EEPD1: variants seen among roughly 807,000 people sequenced by gnomAD.
The protein encoded by EEPD1 is endonuclease/exonuclease/phosphatase family domain containing 1, also known as endonuclease/exonuclease/phosphatase family domain-containing protein 1.
A neutral mutation model predicts 46.3 loss-of-function variants in EEPD1; 17 were observed. The observed-to-expected ratio is 0.37, with a 90% CI of 0.25 to 0.55. The LOEUF (loss-of-function observed/expected upper bound fraction) is 0.55, where lower values mean the gene tolerates loss of function less well. EEPD1 is among the 20% of genes least tolerant of loss of function. The probability of loss-of-function intolerance (pLI) is 0.83; values close to 1 mark genes in which losing one functional copy is unlikely to be tolerated. For missense variants in EEPD1, 673 were observed against 745.6 expected (o/e 0.90, Z 1.13); for synonymous variants, 313 against 315.6 (o/e 0.99, Z 0.09).
At chr7:36,243,021 T>G (rs1786581914) in intron 3 of EEPD1, among the ~76,000 whole-genome samples, 1 of 152,158 alleles carries the variant, frequency 6.6e-6, no homozygotes, top group Non-Finnish European at 1.5e-5. Context: ...CCTGGACTGA[T>G]TAAAAAGCCA....
intron 2 of EEPD1, among the ~76,000 whole-genome samples, chr7:36,166,486 C>G (rs1784983669): frequency 6.6e-6 from 1 of 152,032 alleles, no homozygotes; most frequent in Non-Finnish European, 1.5e-5. Context: ...TTTGGGAGGT[C>G]TAGGTGGAAG....
intron 4 of EEPD1, among the ~76,000 whole-genome samples, chr7:36,283,084 G>A (rs1271706718): frequency 6.6e-6 from 1 of 152,208 alleles, no homozygotes; most frequent in Admixed American, 6.5e-5. Flanking sequence ...GTGGTTTCCA[G>A]CTGTGAAGGT....
intron 2 of EEPD1, among the ~76,000 whole-genome samples, chr7:36,173,493 G>A (rs1028967252): frequency 5.6e-4 from 84 of 150,600 alleles, no homozygotes; most frequent in East Asian, 3.9e-3. Flanking sequence ...GTGAGACTCC[G>A]TCTTAAAAAA....
intron 2 of EEPD1, among the ~76,000 whole-genome samples, chr7:36,185,832 A>G (rs540871548): frequency 1.4e-3 from 206 of 152,276 alleles, no homozygotes; most frequent in African/African-American, 4.8e-3. Flanking sequence ...CTTTGCAGAC[A>G]TTGTGTGTTC....
chr7:36,211,736 C>T (rs923931028), intron 2 of EEPD1, among the ~76,000 whole-genome samples: 6 of 151,932 alleles, frequency 3.9e-5, no homozygotes, highest in East Asian at 1.9e-4. Flanking sequence ...ACCAGCTTGG[C>T]GAACATGGCG....
At chr7:36,178,768 G>A (rs533951794) in intron 2 of EEPD1, among the ~76,000 whole-genome samples, 2 of 152,298 alleles carry the variant, frequency 1.3e-5, no homozygotes, top group Admixed American at 1.3e-4. Context: ...TTCCAACTGT[G>A]CCTGGCACAA....
At chr7:36,284,544 T>C in intron 4 of EEPD1, 142 bp from the exon 5 acceptor site, 1 of 1,036,876 alleles carries the variant, frequency 9.6e-7, no homozygotes, top group South Asian at 1.8e-5. Flanking sequence ...TGGCTGTGGC[T>C]TTCGTGGTGT....
intron 2 of EEPD1, among the ~76,000 whole-genome samples, chr7:36,204,713 C>G (rs1785781419): frequency 6.6e-6 from 1 of 152,216 alleles, no homozygotes; most frequent in East Asian, 1.9e-4. Context: ...CTGGAGCTGC[C>G]ACCTTCCTGG....
intron 2 of EEPD1, among the ~76,000 whole-genome samples, chr7:36,187,678 GT>G (rs756587853): frequency 6.6e-6 from 1 of 152,084 alleles, no homozygotes; most frequent in Non-Finnish European, 1.5e-5. Context: ...CCACTTTTTG[GT>G]TATTGTGAAT....
intron 3 of EEPD1, among the ~76,000 whole-genome samples, chr7:36,279,286 T>G (rs2115866577): frequency 6.6e-6 from 1 of 152,038 alleles, no homozygotes; most frequent in African/African-American, 2.4e-5. Flanking sequence ...CCCTGTGGAG[T>G]CCACTGCTGG....
intron 2 of EEPD1, among the ~76,000 whole-genome samples, chr7:36,166,201 G>A (rs896408970): frequency 2.0e-5 from 3 of 152,180 alleles, no homozygotes; most frequent in Non-Finnish European, 2.9e-5. Flanking sequence ...TCAGTTTAAC[G>A]CCAGGCAAGA....
At chr7:36,293,882 T>A (rs1787484607) in intron 6 of EEPD1, among the ~76,000 whole-genome samples, 1 of 151,946 alleles carries the variant, frequency 6.6e-6, no homozygotes, top group Non-Finnish European at 1.5e-5. Context: ...GAGAATCGCT[T>A]GAACCCGGGA....
chr7:36,282,130 G>C (rs1787272032), intron 4 of EEPD1, among the ~76,000 whole-genome samples: 1 of 152,194 alleles, frequency 6.6e-6, no homozygotes, highest in African/African-American at 2.4e-5. Flanking sequence ...CAGTGAGTCA[G>C]CACACATTCA....
chr7:36,196,693 CAG>C (rs1454977381), intron 2 of EEPD1, among the ~76,000 whole-genome samples: 16 of 152,254 alleles, frequency 1.1e-4, no homozygotes, highest in African/African-American at 3.9e-4. Context: ...GGATTGCAGA[CAG>C]AGTCTCGTTA....
chr7:36,177,008 G>A (rs1785193263), intron 2 of EEPD1, among the ~76,000 whole-genome samples: 1 of 152,214 alleles, frequency 6.6e-6, no homozygotes, highest in Non-Finnish European at 1.5e-5. Context: ...CGGATCTGTG[G>A]TTGGGGCCGG....
chr7:36,255,215 G>A (rs1048001013), intron 3 of EEPD1, among the ~76,000 whole-genome samples: 2 of 152,160 alleles, frequency 1.3e-5, no homozygotes, highest in South Asian at 4.1e-4. Context: ...CTTTGCCCAT[G>A]CCTATGTCCT....
At chr7:36,191,059 C>T (rs1025679946) in intron 2 of EEPD1, among the ~76,000 whole-genome samples, 2 of 152,224 alleles carry the variant, frequency 1.3e-5, no homozygotes, top group Non-Finnish European at 2.9e-5. Flanking sequence ...TTTATTTGCT[C>T]ATTTGGGCCA....
chr7:36,278,152 C>T (rs1204517739), intron 3 of EEPD1, among the ~76,000 whole-genome samples: 1 of 152,090 alleles, frequency 6.6e-6, no homozygotes, highest in Non-Finnish European at 1.5e-5. Flanking sequence ...TCCCAGGTGA[C>T]ACTGGTGCTC....
At chr7:36,235,172 G>GCCCAGGCCTCCCCTACAGCCTCCAA (rs1786411624) in intron 2 of EEPD1, among the ~76,000 whole-genome samples, 1 of 144,316 alleles carries the variant, frequency 6.9e-6, no homozygotes, top group African/African-American at 2.6e-5. Context: ...ACAGCCTCCA[G>GCCCAGGCCTCCCCTACAGCCTCCAA]CACAGGTTTC....
Sources: gnomAD v4.1 joint callset for allele counts (sites outside exome capture counted in the v4.1 genomes callset) on GRCh38, gnomAD v4.1.1 for gene constraint, MANE v1.5 for transcripts, NCBI Gene and HGNC (gene_info 2026-07-23, HGNC 2026-07-21) for gene names.